The following HM13 variants were observed in gnomAD, a reference collection of about 807,000 sequenced individuals.
HM13 encodes the protein signal peptide peptidase.
Under a neutral mutation model 50.0 loss-of-function variants are expected in HM13, and 18 were observed. The observed-to-expected ratio is 0.36, with a 90% CI of 0.25 to 0.53. The LOEUF (loss-of-function observed/expected upper bound fraction) is 0.53, where lower values mean the gene tolerates loss of function less well. Among genes scored for constraint, HM13 ranks in the 20% least tolerant of loss-of-function variants. The pLI, the probability that HM13 is intolerant of heterozygous loss-of-function variation, is 0.90. For synonymous variants in HM13, 197 were observed against 232.6 expected (o/e 0.85, Z 1.39); for missense variants, 393 against 552.4 (o/e 0.71, Z 2.89).
At chr20:31,545,948 C>T (rs1243283735) in intron 4 of HM13, among the ~76,000 whole-genome samples, 1 of 152,030 alleles carries the variant, frequency 6.6e-6, no homozygotes, top group African/African-American at 2.4e-5. Flanking sequence ...CTGCCCACCT[C>T]AGCCTCCCAA....
chr20:31,515,481 C>G (rs1441182479), intron 1 of HM13, among the ~76,000 whole-genome samples: 1 of 152,232 alleles, frequency 6.6e-6, no homozygotes, highest in Non-Finnish European at 1.5e-5. Flanking sequence ...ATGGCCTAGT[C>G]AAAACCTAGA....
intron 4 of HM13, among the ~76,000 whole-genome samples, chr20:31,546,902 G>A (rs1394337664): frequency 6.6e-6 from 1 of 152,112 alleles, no homozygotes; most frequent in Non-Finnish European, 1.5e-5. Flanking sequence ...CAGCCTGGGC[G>A]ACAGAGCAAG....
intron 1 of HM13, among the ~76,000 whole-genome samples, chr20:31,526,951 G>T (rs1236026233): frequency 2.0e-5 from 3 of 152,194 alleles, no homozygotes; most frequent in Non-Finnish European, 4.4e-5. Flanking sequence ...TTCCATACTG[G>T]AATGGCCTCT....
chr20:31,515,555 C>T (rs894852943), intron 1 of HM13, among the ~76,000 whole-genome samples: 4 of 152,188 alleles, frequency 2.6e-5, no homozygotes, highest in African/African-American at 9.7e-5. Flanking sequence ...AGTAGCCCTT[C>T]TCCCCATACC....
intron 7 of HM13, chr20:31,550,326 G>A (rs868694102): frequency 1.0e-5 from 6 of 580,616 alleles, no homozygotes; most frequent in South Asian, 5.9e-5. Flanking sequence ...CCACTTGGTC[G>A]TGGTGCAGCA....
intron 4 of HM13, chr20:31,547,720 CAAAG>C (rs1173266942): frequency 2.7e-5 from 32 of 1,198,358 alleles, no homozygotes; most frequent in African/African-American, 4.6e-5. Context: ...GTTTTTTAGA[CAAAG>C]AAAGGGGCCT....
At chr20:31,553,927 T>C (rs2122636867) in intron 7 of HM13, among the ~76,000 whole-genome samples, 1 of 152,264 alleles carries the variant, frequency 6.6e-6, no homozygotes, top group Admixed American at 6.5e-5. Context: ...ATGTTGGCAC[T>C]GTGTGGCTCT....
intron 4 of HM13, among the ~76,000 whole-genome samples, chr20:31,546,004 A>G (rs1362908422): frequency 7.4e-6 from 1 of 134,516 alleles, no homozygotes; most frequent in Non-Finnish European, 1.6e-5. Flanking sequence ...CCCAGCAGGT[A>G]TTTCTCTTGT....
intron 4 of HM13, among the ~76,000 whole-genome samples, chr20:31,545,840 G>A (rs973150159): frequency 1.3e-5 from 2 of 151,920 alleles, no homozygotes; most frequent in Non-Finnish European, 2.9e-5. Context: ...GATTACAGGC[G>A]TGTGCTACCA....
chr20:31,537,055 G>A (rs1352720254), intron 2 of HM13, among the ~76,000 whole-genome samples: 2 of 152,234 alleles, frequency 1.3e-5, no homozygotes, highest in African/African-American at 4.8e-5. Context: ...AGGGGTTATT[G>A]TCTCATAGAA....
At chr20:31,554,696 A>G (rs1262766523) in intron 7 of HM13, 50 bp from the exon 8 acceptor site, 3 of 1,512,224 alleles carry the variant, frequency 2.0e-6, no homozygotes, top group Non-Finnish European at 2.7e-6. Context: ...AAAAAAAAAA[A>G]TGTAAACTGG....
Position 31,569,292 on chromosome 20 carries a change from T to C in HM13, c.*73T>C, listed in dbSNP as rs1249148009. On this transcript the variant is annotated 3_prime_UTR_variant, in exon 13 of 13. Coordinates refer to ENST00000398174, the MANE Select transcript of HM13 (RefSeq NM_178581.3). ...CTGGGCCCACACAGGCGTGCACCGG[T>C]AGAGGGCACAGGAGGCCAAGGGCAG... The C allele has an allele frequency of 9.2e-7, 1 of 1,091,798 alleles. No homozygotes were observed. Among genetic ancestry groups the C allele is most frequent in the African/African-American group, 1.6e-5 (1 of 61,020 alleles). 67.6% of individuals were successfully genotyped at this position (1,091,798 alleles called of 1,614,324 possible). A position where few individuals can be genotyped will look rare whatever the true frequency, so the allele number is the denominator to read the frequency against.
intron 7 of HM13, among the ~76,000 whole-genome samples, chr20:31,551,652 A>G (rs1984040002): frequency 6.6e-6 from 1 of 152,202 alleles, no homozygotes; most frequent in African/African-American, 2.4e-5. Flanking sequence ...CTAGCAAGGA[A>G]GAGAGGAAGA....
At chr20:31,530,032 G>T (rs1447243611) in intron 2 of HM13, among the ~76,000 whole-genome samples, 1 of 151,960 alleles carries the variant, frequency 6.6e-6, no homozygotes, top group Non-Finnish European at 1.5e-5. Context: ...TGGCTCACCT[G>T]TTATCCCAGT....
intron 1 of HM13, among the ~76,000 whole-genome samples, chr20:31,516,649 G>A (rs1471965327): frequency 2.6e-5 from 4 of 152,244 alleles, no homozygotes; most frequent in East Asian, 1.9e-4. Context: ...AGGAGGCTAC[G>A]AGGCAGTTCA....
At chr20:31,546,044 CTTTTTT>C (rs35862306) in intron 4 of HM13, among the ~76,000 whole-genome samples, 2 of 103,238 alleles carry the variant, frequency 1.9e-5, no homozygotes, top group Non-Finnish European at 3.6e-5. Flanking sequence ...AAATCTAGCA[CTTTTTT>C]TTTTTTTTTT....
At chr20:31,538,633 A>G (rs2122591959) in intron 3 of HM13, 1 of 1,186,344 alleles carries the variant, frequency 8.4e-7, no homozygotes, top group East Asian at 3.7e-5. Flanking sequence ...CTCACACATG[A>G]TCGTGTTTCG....
intron 12 of HM13, among the ~76,000 whole-genome samples, chr20:31,568,657 G>C (rs1382954027): frequency 6.6e-6 from 1 of 152,218 alleles, no homozygotes; most frequent in Non-Finnish European, 1.5e-5. Context: ...AGCTAAGCCA[G>C]GGTGTCTGTC....
At chr20:31,550,805 A>G (rs1484511519) in intron 7 of HM13, among the ~76,000 whole-genome samples, 1 of 152,124 alleles carries the variant, frequency 6.6e-6, no homozygotes, top group Non-Finnish European at 1.5e-5. Context: ...GCAAGACCCT[A>G]TCTCTACAAA....
Sources: allele counts gnomAD v4.1 joint callset (sites outside exome capture counted in the v4.1 genomes callset), GRCh38; gene constraint gnomAD v4.1.1; transcripts MANE v1.5; gene names NCBI Gene and HGNC (gene_info 2026-07-23, HGNC 2026-07-21).